AGBL4: variants seen among roughly 807,000 people sequenced by gnomAD.
AGBL4 encodes cytosolic carboxypeptidase 6.
A neutral mutation model predicts 66.4 loss-of-function variants in AGBL4; 58 were observed. That is an observed-to-expected ratio of 0.87 (90% CI 0.71 to 1.09). AGBL4 has a LOEUF of 1.09. AGBL4 is among the 50% of genes least tolerant of loss of function. AGBL4 has a pLI of 0.00. For synonymous variants in AGBL4, 234 were observed against 222.9 expected (o/e 1.05, Z -0.44); for missense variants, 579 against 631.0 (o/e 0.92, Z 0.88).
At chr1:48,862,985 T>C (rs558427827) in intron 6 of AGBL4, among the ~76,000 whole-genome samples, 2 of 152,294 alleles carry the variant, frequency 1.3e-5, no homozygotes, top group Non-Finnish European at 2.9e-5. Context: ...TAAGGTAATA[T>C]AGGAAAGGCT....
At chr1:49,200,170 A>T (rs1043273920) in intron 4 of AGBL4, among the ~76,000 whole-genome samples, 3 of 151,976 alleles carry the variant, frequency 2.0e-5, no homozygotes, top group Non-Finnish European at 4.4e-5. Context: ...CTCACCACTT[A>T]ATTTGTGTGG....
chr1:48,571,093 C>T (rs529316643), intron 11 of AGBL4, among the ~76,000 whole-genome samples: 1 of 152,320 alleles, frequency 6.6e-6, no homozygotes, highest in South Asian at 2.1e-4. Context: ...TAGGTACTGA[C>T]ATGCATTAGC....
chr1:49,151,224 G>A (rs1476634975), intron 4 of AGBL4, among the ~76,000 whole-genome samples: 7 of 148,612 alleles, frequency 4.7e-5, no homozygotes, highest in Non-Finnish European at 7.4e-5. Context: ...AGCCGAGATC[G>A]TGCCACTGCA....
At chr1:49,728,012 T>A (rs186690179) in intron 2 of AGBL4, among the ~76,000 whole-genome samples, 51 of 152,272 alleles carry the variant, frequency 3.3e-4, no homozygotes, top group Admixed American at 6.5e-4. Flanking sequence ...AAATCAAAGC[T>A]GACAATTACC....
intron 1 of AGBL4, among the ~76,000 whole-genome samples, chr1:50,002,359 CT>C (rs372960346): frequency 3.6e-3 from 348 of 95,954 alleles, no homozygotes; most frequent in Non-Finnish European, 5.2e-3. Context: ...TGCCCTAGTT[CT>C]TTTTTTTTTT....
intron 1 of AGBL4, among the ~76,000 whole-genome samples, chr1:49,867,133 C>T (rs1646721011): frequency 6.6e-6 from 1 of 152,098 alleles, no homozygotes; most frequent in Non-Finnish European, 1.5e-5. Flanking sequence ...AGGATGCTGT[C>T]TGTGACCTTG....
chr1:49,657,386 T>C (rs1226847635), intron 3 of AGBL4, among the ~76,000 whole-genome samples: 9 of 152,192 alleles, frequency 5.9e-5, no homozygotes, highest in Admixed American at 2.6e-4. Flanking sequence ...GAACATTCCA[T>C]GCTCACGGAT....
chr1:49,597,435 AAG>A (rs1182207933), intron 3 of AGBL4, among the ~76,000 whole-genome samples: 2 of 152,236 alleles, frequency 1.3e-5, no homozygotes, highest in Non-Finnish European at 2.9e-5. Context: ...TTCTCTGAAG[AAG>A]AGTCATCTCA....
chr1:49,801,820 A>G (rs772616470), intron 2 of AGBL4, among the ~76,000 whole-genome samples: 5 of 152,160 alleles, frequency 3.3e-5, no homozygotes, highest in Non-Finnish European at 5.9e-5. Flanking sequence ...TCCCAGAGTA[A>G]TCCTTATTCA....
chr1:49,381,793 C>G (rs1644617759), intron 3 of AGBL4, among the ~76,000 whole-genome samples: 1 of 130,146 alleles, frequency 7.7e-6, no homozygotes, highest in Non-Finnish European at 1.5e-5. Flanking sequence ...GGGAATTGAA[C>G]AATGAGAACA....
intron 5 of AGBL4, among the ~76,000 whole-genome samples, chr1:48,965,524 A>C (rs1658348680): frequency 6.6e-6 from 1 of 152,162 alleles, no homozygotes; most frequent in Non-Finnish European, 1.5e-5. Context: ...GGTTGTAATG[A>C]TGAATTTCAC....
At chr1:48,543,230 T>C (rs1361386587) in intron 11 of AGBL4, among the ~76,000 whole-genome samples, 2 of 152,138 alleles carry the variant, frequency 1.3e-5, no homozygotes, top group Admixed American at 6.5e-5. Flanking sequence ...GAGGGGGGCA[T>C]GCAGGGTAAT....
At chr1:49,989,551 A>C (rs1659770835) in intron 1 of AGBL4, among the ~76,000 whole-genome samples, 1 of 152,210 alleles carries the variant, frequency 6.6e-6, no homozygotes, top group South Asian at 2.1e-4. Context: ...ACATGAAGAA[A>C]GAGCAGATAC....
At chr1:49,727,963 G>GA (rs1649156831) in intron 2 of AGBL4, among the ~76,000 whole-genome samples, 1 of 151,932 alleles carries the variant, frequency 6.6e-6, no homozygotes, top group African/African-American at 2.4e-5. Flanking sequence ...CAACACACAT[G>GA]AAAAAAGAGT....
intron 3 of AGBL4, among the ~76,000 whole-genome samples, chr1:49,350,493 G>A (rs368709622): frequency 1.3e-5 from 2 of 152,284 alleles, no homozygotes; most frequent in South Asian, 4.1e-4. Context: ...GTGAGCCACC[G>A]CGCCCGGCCC....
At chr1:49,420,815 T>A (rs969678970) in intron 3 of AGBL4, among the ~76,000 whole-genome samples, 5 of 152,240 alleles carry the variant, frequency 3.3e-5, no homozygotes, top group Non-Finnish European at 7.3e-5. Flanking sequence ...GTCAAATAGC[T>A]ATATAGCTAG....
chr1:49,388,486 T>C (rs1168952649), intron 3 of AGBL4, among the ~76,000 whole-genome samples: 1 of 152,130 alleles, frequency 6.6e-6, no homozygotes, highest in Admixed American at 6.6e-5. Context: ...GCATGCTATT[T>C]GTACATCCAT....
intron 3 of AGBL4, among the ~76,000 whole-genome samples, chr1:49,277,779 T>C (rs1180683662): frequency 6.6e-6 from 1 of 151,500 alleles, no homozygotes; most frequent in Non-Finnish European, 1.5e-5. Flanking sequence ...CCAGCCCAAC[T>C]GTCCTCCCAC....
intron 3 of AGBL4, among the ~76,000 whole-genome samples, chr1:49,534,554 T>C (rs532862703): frequency 6.6e-6 from 1 of 152,304 alleles, no homozygotes; most frequent in South Asian, 2.1e-4. Flanking sequence ...ATGATGTTCC[T>C]AGACAGAAAA....
Sources: gnomAD v4.1 joint callset for allele counts (sites outside exome capture counted in the v4.1 genomes callset) on GRCh38, gnomAD v4.1.1 for gene constraint, MANE v1.5 for transcripts, NCBI Gene and HGNC (gene_info 2026-07-23, HGNC 2026-07-21) for gene names.